The following PROM1 variants were observed in gnomAD, a reference collection of about 807,000 sequenced individuals.
PROM1 encodes prominin-1.
In PROM1, 105 loss-of-function variants were observed where a neutral mutation model predicts 116.9. The observed-to-expected ratio is 0.90, with a 90% CI of 0.77 to 1.06. The LOEUF (loss-of-function observed/expected upper bound fraction) is 1.06. PROM1 is among the 50% of genes least tolerant of loss of function. The pLI is 0.00. For synonymous variants in PROM1, 393 were observed against 387.0 expected, an observed-to-expected ratio of 1.02 and a Z score of -0.18; for missense variants, 1,122 against 1,045.2, an observed-to-expected ratio of 1.07 and a Z score of -1.01.
At position 15,980,303 on chromosome 4, in the gene PROM1, T is replaced by TAA. The variant is rs58036643; in HGVS notation, c.2489+117_2489+118dup. 4.7e-3 allele frequency: 2,863 copies of TAA among 608,440 alleles called. 1 individual carries two copies. Among genetic ancestry groups the TAA allele is most frequent in the South Asian group, 8.1e-3 (413 of 51,134 alleles). 37.7% of individuals were successfully genotyped at this position (608,440 alleles called of 1,614,324 possible). On this transcript the variant is annotated intron_variant, in intron 24 of 27. Coordinates refer to ENST00000447510, the MANE Select transcript of PROM1 (RefSeq NM_006017.3). ...TGAACAGAAGTGACCCAACTACTAC[T>TAA]AAAAAAAAAAAAAAAAAGAAATCAA...
chr4:16,005,478 A>AAGTTTTT (rs1303325217), intron 13 of PROM1, among the ~76,000 whole-genome samples: 1 of 146,470 alleles, frequency 6.8e-6, no homozygotes, highest in Non-Finnish European at 1.5e-5. Flanking sequence ...CAGTGACCCA[A>AAGTTTTT]AGTTTTTTGT....
At chr4:16,080,323 A>G (rs1024365299) in intron 1 of PROM1, among the ~76,000 whole-genome samples, 5 of 151,916 alleles carry the variant, frequency 3.3e-5, no homozygotes, top group Admixed American at 1.3e-4. Flanking sequence ...GATCGAGACC[A>G]TCCTGGCTAA....
intron 2 of PROM1, among the ~76,000 whole-genome samples, chr4:16,041,773 A>T (rs747593687): frequency 2.6e-3 from 102 of 38,826 alleles, no homozygotes; most frequent in African/African-American, 6.5e-3. Flanking sequence ...TAAATAAATA[A>T]ATAAATAAAT....
intron 2 of PROM1, among the ~76,000 whole-genome samples, chr4:16,043,688 G>A (rs1246962242): frequency 6.6e-6 from 1 of 152,238 alleles, no homozygotes; most frequent in Non-Finnish European, 1.5e-5. Flanking sequence ...TGGCAGGGAT[G>A]TGTACTGTAG....
chr4:15,979,896 G>T lies in PROM1; in HGVS notation c.2498C>A (p.Thr833Asn). 1 of 1,433,624 alleles carries T rather than the reference G, an allele frequency of 7.0e-7. No individual in the cohort carries two copies. The highest frequency in any genetic ancestry group is 9.5e-7 in the Non-Finnish European group (1 of 1,055,460). 88.8% of individuals were successfully genotyped at this position (1,433,624 alleles called of 1,614,324 possible). Residue 833 changes from threonine (T) to asparagine (N), a missense_variant, in exon 25 of 28, where the codon ACT becomes AAT. Physicochemically the swap from Thr to Asn is moderately conservative, Grantham distance 65. Transcript: ENST00000447510. The stretch of plus-strand genomic sequence containing the variant: ...AAAGGCTTACTTTTTCATGGGTATA[G>T]TTTCAACACTATAAAATACAAAAAA... ...DSEDVYDDVE[T>N]IPMKNMENGN...
intron 11 of PROM1, among the ~76,000 whole-genome samples, chr4:16,012,820 G>A (rs186991586): frequency 0.013 from 1,786 of 141,180 alleles, 32 homozygotes; most frequent in African/African-American, 0.045. Flanking sequence ...GCAGTGAGCC[G>A]AGATTGTGCC....
intron 2 of PROM1, 144 bp downstream of exon 2, chr4:16,075,543 C>G (rs1489790178): frequency 6.2e-6 from 5 of 802,110 alleles, no homozygotes; most frequent in Non-Finnish European, 3.7e-6. Context: ...GTCTTCTTAA[C>G]TTCTGTCTAA....
intron 2 of PROM1, among the ~76,000 whole-genome samples, chr4:16,065,643 G>A (rs3857152): frequency 0.47 from 71,887 of 152,040 alleles, 17,615 homozygotes; most frequent in Non-Finnish European, 0.54. Context: ...CACATCTGCA[G>A]AAGTGAAATA....
chr4:16,054,852 T>G (rs776104772), intron 2 of PROM1, among the ~76,000 whole-genome samples: 1 of 151,918 alleles, frequency 6.6e-6, no homozygotes, highest in Non-Finnish European at 1.5e-5. Context: ...GTACTCGAGT[T>G]CCGGGGGGGA....
intron 8 of PROM1, among the ~76,000 whole-genome samples, chr4:16,022,624 T>A (rs781377593): frequency 6.6e-6 from 1 of 152,234 alleles, no homozygotes; most frequent in South Asian, 2.1e-4. Context: ...AAAATTCATA[T>A]TGGCAAAATG....
At chr4:15,994,351 C>T (rs73122450) in intron 15 of PROM1, among the ~76,000 whole-genome samples, 1,536 of 152,236 alleles carry the variant, frequency 0.01, 37 homozygotes, top group African/African-American at 0.035. Flanking sequence ...CTGCTGTGGA[C>T]CACAAGTTTA....
chr4:16,015,731 T>C (rs2149288748), intron 10 of PROM1, among the ~76,000 whole-genome samples: 1 of 151,688 alleles, frequency 6.6e-6, no homozygotes, highest in East Asian at 2.0e-4. Context: ...ACTAAGTAGC[T>C]AGCTACTTGG....
chr4:16,016,340 T>C (rs1728390632), intron 9 of PROM1, 100 bp from the exon 10 acceptor site: 2 of 926,894 alleles, frequency 2.2e-6, no homozygotes, highest in Admixed American at 2.7e-5. Context: ...CCAAAGCATC[T>C]ATACTACAGG....
chr4:15,986,927 G>A (rs112544727), intron 20 of PROM1, among the ~76,000 whole-genome samples: 213 of 152,340 alleles, frequency 1.4e-3, no homozygotes, highest in African/African-American at 5.0e-3. Flanking sequence ...GTTGCCCATT[G>A]GTACTGTAGA....
intron 4 of PROM1, among the ~76,000 whole-genome samples, chr4:16,034,541 A>C (rs1370612793): frequency 2.6e-5 from 4 of 152,174 alleles, no homozygotes; most frequent in Admixed American, 6.5e-5. Flanking sequence ...TCTAGATACA[A>C]TCATGTGACC....
chr4:15,972,483 G>A (rs1714848259), intron 26 of PROM1, among the ~76,000 whole-genome samples: 1 of 152,120 alleles, frequency 6.6e-6, no homozygotes. Context: ...CCATGATAAT[G>A]GCATTAATCC....
rs778029204 is a variant in PROM1, at chr4:15,992,282, A to G, written c.1877T>C (p.Ile626Thr). 1.9e-6 allele frequency: 3 copies of G among 1,613,892 alleles called. No homozygotes were observed. The highest frequency in any genetic ancestry group is 2.2e-5 in the East Asian group (1 of 44,892). The part of the protein sequence containing the change: ...KNLQDFAACG[I>T]DRMNYDSYLA... Reference sequence around the variant, plus strand: ...GTAGCTGTCATAATTCATTCTGTCTATTCCACAAGCAGCAAAATCCTGAAG... The same window carrying G: ...GTAGCTGTCATAATTCATTCTGTCTGTTCCACAAGCAGCAAAATCCTGAAG... Residue 626 changes from isoleucine to threonine, a missense_variant, in exon 17 of 28, where the codon ATA (isoleucine) becomes ACA (threonine). Physicochemically the swap from Ile to Thr is moderately conservative, Grantham distance 89 (BLOSUM62 -1). Coordinates refer to ENST00000447510, the MANE Select transcript of PROM1 (RefSeq NM_006017.3).
At chr4:15,971,913 G>A (rs1560366713) in intron 26 of PROM1, 2 of 152,118 alleles carry the variant, frequency 1.3e-5, no homozygotes, top group African/African-American at 4.8e-5. Flanking sequence ...TTATGCTTTC[G>A]GTAAAGAAAC....
At chr4:15,979,757 T>C (rs1273036864) in intron 25 of PROM1, 124 bp downstream of exon 25, 2 of 1,003,298 alleles carry the variant, frequency 2.0e-6, no homozygotes, top group Non-Finnish European at 2.9e-6. Flanking sequence ...TATTTTTGCC[T>C]GTACAGATCT....
Sources: gnomAD v4.1 joint callset for allele counts (sites outside exome capture counted in the v4.1 genomes callset) on GRCh38, gnomAD v4.1.1 for gene constraint, MANE v1.5 for transcripts, NCBI Gene and HGNC (gene_info 2026-07-23, HGNC 2026-07-21) for gene names.